The following VPS13B variants were observed in gnomAD, a reference collection of about 807,000 sequenced individuals.
The protein encoded by VPS13B is intermembrane lipid transfer protein VPS13B.
Under a neutral mutation model 426.4 loss-of-function variants are expected in VPS13B, and 285 were observed. The observed-to-expected ratio is 0.67, with a 90% CI of 0.61 to 0.74. The LOEUF is 0.74. VPS13B is among the 30% of genes least tolerant of loss of function. The pLI is 0.00. For synonymous variants in VPS13B, 1,676 were observed against 1,676.4 expected (o/e 1.00, Z 0.01); for missense variants, 4,537 against 4,782.6 (o/e 0.95, Z 1.51).
intron 30 of VPS13B, among the ~76,000 whole-genome samples, chr8:99,536,379 T>A (rs562825976): frequency 1.3e-5 from 2 of 152,322 alleles, no homozygotes; most frequent in East Asian, 3.9e-4. Flanking sequence ...AAATTAAAAA[T>A]CCATATATGA....
Position 99,431,628 on chromosome 8 carries a change from A to G in VPS13B, c.3174A>G (p.Gly1058=), listed in dbSNP as rs769239203. Residue 1058 remains glycine, a synonymous_variant, in exon 22 of 62, where the codon GGA becomes GGG. Transcript: ENST00000357162. ...SPEERMKEFI[G]IVWNAVKHLT... ...AAGAAAGAATGAAGGAATTTATTGG[A>G]ATTGTTTGGAATGCAGTGAAGCATC... is the stretch of plus-strand genomic sequence containing the variant. 1.2e-6 allele frequency: 2 copies of G among 1,613,410 alleles called. No individual in the cohort carries two copies. The highest frequency in any genetic ancestry group is 1.7e-4 in the Middle Eastern group (1 of 6,052).
chr8:99,016,881 G>A (rs539046855), intron 2 of VPS13B, among the ~76,000 whole-genome samples: 2 of 152,040 alleles, frequency 1.3e-5, no homozygotes, highest in Non-Finnish European at 2.9e-5. Context: ...GAGCCACTGC[G>A]CCCGGCCAGG....
intron 54 of VPS13B, among the ~76,000 whole-genome samples, chr8:99,838,738 C>T (rs1815520851): frequency 6.6e-6 from 1 of 152,170 alleles, no homozygotes; most frequent in Non-Finnish European, 1.5e-5. Flanking sequence ...TACAGTTGTG[C>T]TATGTGGGTG....
intron 3 of VPS13B, among the ~76,000 whole-genome samples, chr8:99,048,325 AGTT>A (rs1453072682): frequency 3.3e-5 from 5 of 152,168 alleles, no homozygotes; most frequent in Non-Finnish European, 7.3e-5. Context: ...AATATTCTGC[AGTT>A]GTTGGATAGA....
chr8:99,341,143 A>G (rs1047109104), intron 19 of VPS13B: 7 of 263,606 alleles, frequency 2.7e-5, no homozygotes, highest in Admixed American at 8.5e-5. Flanking sequence ...AATTATTATA[A>G]TGCACCTTCA....
intron 3 of VPS13B, among the ~76,000 whole-genome samples, chr8:99,077,179 A>ATT (rs111282675): frequency 3.1e-4 from 46 of 146,464 alleles, no homozygotes; most frequent in African/African-American, 1.1e-3. Flanking sequence ...CTGTTCTTTC[A>ATT]TTTTTTTTTT....
intron 3 of VPS13B, among the ~76,000 whole-genome samples, chr8:99,053,069 T>C (rs946770024): frequency 6.6e-5 from 10 of 151,960 alleles, no homozygotes; most frequent in Non-Finnish European, 4.4e-5. Context: ...TCTTGCCTTC[T>C]GCTAGCTTTT....
At chr8:99,434,618 C>G (rs1817279152) in intron 22 of VPS13B, among the ~76,000 whole-genome samples, 1 of 152,140 alleles carries the variant, frequency 6.6e-6, no homozygotes, top group Admixed American at 6.6e-5. Flanking sequence ...AAAAATATCT[C>G]CAGTGCATAA....
intron 34 of VPS13B, among the ~76,000 whole-genome samples, chr8:99,661,055 A>G (rs1003933568): frequency 3.0e-4 from 46 of 152,102 alleles, no homozygotes; most frequent in South Asian, 2.5e-3. Context: ...TAAACTGTAA[A>G]CAGCAGCTCA....
chr8:99,611,447 T>C (rs1419863984), intron 33 of VPS13B, among the ~76,000 whole-genome samples: 1 of 152,166 alleles, frequency 6.6e-6, no homozygotes, highest in Non-Finnish European at 1.5e-5. Context: ...ACTTATTGAC[T>C]GCTTGCCAAG....
intron 39 of VPS13B, among the ~76,000 whole-genome samples, chr8:99,740,910 A>T (rs1283714516): frequency 6.6e-6 from 1 of 152,190 alleles, no homozygotes; most frequent in Non-Finnish European, 1.5e-5. Context: ...AAGAAACTGC[A>T]TCAACTAACA....
chr8:99,240,048 A>G (rs1051503448), intron 17 of VPS13B, among the ~76,000 whole-genome samples: 1 of 152,124 alleles, frequency 6.6e-6, no homozygotes, highest in African/African-American at 2.4e-5. Flanking sequence ...GATGCCAGAG[A>G]CTGCTGTTTC....
intron 16 of VPS13B, among the ~76,000 whole-genome samples, chr8:99,185,732 C>G (rs1014111482): frequency 6.6e-6 from 1 of 152,144 alleles, no homozygotes; most frequent in African/African-American, 2.4e-5. Context: ...TCGCTATGAA[C>G]TTGAATGGAT....
At chr8:99,672,798 T>C (rs1017092619) in intron 35 of VPS13B, among the ~76,000 whole-genome samples, 1 of 152,118 alleles carries the variant, frequency 6.6e-6, no homozygotes, top group Non-Finnish European at 1.5e-5. Flanking sequence ...ATGGCCTTTA[T>C]TGTGTTGTGG....
chr8:99,774,327 C>T (rs1048632202), intron 40 of VPS13B, among the ~76,000 whole-genome samples: 2 of 152,086 alleles, frequency 1.3e-5, no homozygotes, highest in Non-Finnish European at 2.9e-5. Context: ...CTAATGCTTA[C>T]TGGAGTATGA....
At chr8:99,395,103 T>C (rs1814655332) in intron 21 of VPS13B, among the ~76,000 whole-genome samples, 1 of 152,226 alleles carries the variant, frequency 6.6e-6, no homozygotes, top group South Asian at 2.1e-4. Context: ...AGGATTTCCC[T>C]AGCTTTCTGC....
chr8:99,478,053 A>G (rs892227589), intron 24 of VPS13B, among the ~76,000 whole-genome samples: 2 of 151,716 alleles, frequency 1.3e-5, no homozygotes, highest in East Asian at 1.9e-4. Context: ...GTTTGAGACC[A>G]CTTGAGCAAC....
At chr8:99,210,329 T>C (rs1334997000) in intron 17 of VPS13B, among the ~76,000 whole-genome samples, 1 of 152,202 alleles carries the variant, frequency 6.6e-6, no homozygotes, top group African/African-American at 2.4e-5. Flanking sequence ...GTTCTTTTAT[T>C]GACCCCTATA....
intron 39 of VPS13B, among the ~76,000 whole-genome samples, chr8:99,751,709 T>G (rs1398425061): frequency 6.6e-6 from 1 of 152,194 alleles, no homozygotes; most frequent in East Asian, 1.9e-4. Flanking sequence ...AAAATCACTT[T>G]CAATAAAGTA....
Sources: gnomAD v4.1 joint callset for allele counts (sites outside exome capture counted in the v4.1 genomes callset) on GRCh38, gnomAD v4.1.1 for gene constraint, MANE v1.5 for transcripts, NCBI Gene and HGNC (gene_info 2026-07-23, HGNC 2026-07-21) for gene names.